Variants in ADHFE1 observed in about 807,000 individuals in gnomAD.
ADHFE1 encodes the protein alcohol dehydrogenase iron containing 1.
Under a neutral mutation model 54.8 loss-of-function variants are expected in ADHFE1, and 37 were observed. That is an observed-to-expected ratio of 0.68 (90% CI 0.52 to 0.89). The LOEUF (loss-of-function observed/expected upper bound fraction) is 0.89, where lower values mean the gene tolerates loss of function less well. Ranked by LOEUF, ADHFE1 falls within the 40% of genes least tolerant of loss-of-function variation. ADHFE1 has a pLI of 0.00. For synonymous variants in ADHFE1, 203 were observed against 229.3 expected, an observed-to-expected ratio of 0.89 and a Z score of 1.04; for missense variants, 601 against 591.2, an observed-to-expected ratio of 1.02 and a Z score of -0.17.
intron 1 of ADHFE1, among the ~76,000 whole-genome samples, chr8:66,434,208 T>C (rs1330379031): frequency 5.3e-5 from 8 of 152,306 alleles, no homozygotes. Context: ...AAGTAAACAG[T>C]GGGCTCATTT....
At chr8:66,468,190 A>G (rs1190161310) in intron 13 of ADHFE1, 79 bp from the exon 14 acceptor site, 2 of 1,078,406 alleles carry the variant, frequency 1.9e-6, no homozygotes, top group East Asian at 4.8e-5. Flanking sequence ...CTTATGACCA[A>G]GTTAATTTCC....
rs1035590289 is a variant in ADHFE1 at position 66,450,232 on chromosome 8, G to C, written c.734+1262G>C. 1.3e-4 allele frequency among the ~76,000 whole-genome samples: 20 copies of C among 152,206 alleles called. 2 individuals are homozygous for C. The highest frequency in any genetic ancestry group is 1.2e-3 in the Admixed American group (19 of 15,278). Reference sequence around the variant, plus strand: ...TTCCCTAATAACCTGGAAATGAGGGGAATAAGGTTATCCTTCCTAACTGTA... The same window carrying C: ...TTCCCTAATAACCTGGAAATGAGGGCAATAAGGTTATCCTTCCTAACTGTA... On this transcript the variant is annotated intron_variant, in intron 8 of 13. Transcript: ENST00000396623.
At chr8:66,442,193 G>A (rs1563487637) in intron 2 of ADHFE1, among the ~76,000 whole-genome samples, 1 of 151,766 alleles carries the variant, frequency 6.6e-6, no homozygotes, top group South Asian at 2.1e-4. Flanking sequence ...TAAACCAGGG[G>A]ATTTTTTTCC....
At chr8:66,458,794 T>C (rs1340035481) in intron 12 of ADHFE1, among the ~76,000 whole-genome samples, 2 of 152,236 alleles carry the variant, frequency 1.3e-5, no homozygotes, top group African/African-American at 4.8e-5. Context: ...TACTGATGTA[T>C]TCTTTTTCCT....
At chr8:66,456,973 C>T in intron 11 of ADHFE1, 78 bp downstream of exon 11, 1 of 1,468,522 alleles carries the variant, frequency 6.8e-7, no homozygotes, top group South Asian at 1.4e-5. Context: ...CCAATTCTCG[C>T]CTGCTTAGAG....
intron 9 of ADHFE1, among the ~76,000 whole-genome samples, chr8:66,452,507 G>A (rs1235175919): frequency 6.6e-6 from 1 of 152,094 alleles, no homozygotes; most frequent in East Asian, 1.9e-4. Flanking sequence ...CATAAATGTG[G>A]GCTGGGCACA....
At chr8:66,438,061 C>G (rs1175564720) in intron 1 of ADHFE1, among the ~76,000 whole-genome samples, 3 of 152,162 alleles carry the variant, frequency 2.0e-5, no homozygotes, top group African/African-American at 7.2e-5. Context: ...AGGGGCCAGT[C>G]AGGCAGGGGC....
intron 13 of ADHFE1, among the ~76,000 whole-genome samples, chr8:66,466,236 ATTTTT>A (rs575459850): frequency 0.097 from 11,620 of 119,690 alleles, 733 homozygotes; most frequent in East Asian, 0.25. Context: ...ACCCAGCTGA[ATTTTT>A]TTTTTTTTTT....
At chr8:66,451,577 A>G (rs984863330) in intron 8 of ADHFE1, among the ~76,000 whole-genome samples, 1 of 152,196 alleles carries the variant, frequency 6.6e-6, no homozygotes, top group African/African-American at 2.4e-5. Context: ...TATTTGATCA[A>G]TGCAAGGTAT....
chr8:66,459,046 G>A (rs1806745647), intron 12 of ADHFE1, among the ~76,000 whole-genome samples: 1 of 151,998 alleles, frequency 6.6e-6, no homozygotes, highest in Non-Finnish European at 1.5e-5. Context: ...ACCTTTTCCT[G>A]GATTCCTAAG....
Position 66,444,404 on chromosome 8 carries a change from C to G in ADHFE1, c.182C>G (p.Thr61Arg), listed in dbSNP as rs1416501328. 1 of 1,614,062 alleles carries G rather than the reference C, an allele frequency of 6.2e-7. No homozygotes were observed. Among genetic ancestry groups the G allele is most frequent in the East Asian group, 2.2e-5 (1 of 44,880 alleles). Residue 61 changes from threonine (T) to arginine (R), a missense_variant, in exon 4 of 14, where the codon ACA (threonine) becomes AGA (arginine). Physicochemically the swap from Thr to Arg is moderately conservative, Grantham distance 71. Coordinates refer to ENST00000396623, the MANE Select transcript of ADHFE1 (RefSeq NM_144650.3). ...VSNIRYGAAV[T>R]KEVGMDLKNM... ...AATATTAGATATGGAGCAGCAGTTA[C>G]AAAGGAAGTAGGAATGGCAAGTATT...
chr8:66,453,963 T>C, intron 9 of ADHFE1, 96 bp from the exon 10 acceptor site: 1 of 1,519,506 alleles, frequency 6.6e-7, no homozygotes, highest in African/African-American at 1.4e-5. Context: ...GTAGCATTTC[T>C]TTTTTTTTCA....
In ADHFE1 at chr8:66,457,111, C is replaced by A. The variant is rs772098560; in HGVS notation, c.1107C>A (p.Phe369Leu). The change falls in exon 12 of 14, where the codon TTC (phenylalanine) becomes TTA (leucine). Residue 369 changes from phenylalanine (F) to leucine (L), a missense_variant. Coordinates refer to ENST00000396623, the MANE Select transcript of ADHFE1 (RefSeq NM_144650.3). ...TGGTGCTCACGTCCCCAGCGGTGTTCACTTTCACGGCCCAGATGTTTCCAG... is the reference window on the plus strand; with the variant it reads ...TGGTGCTCACGTCCCCAGCGGTGTTAACTTTCACGGCCCAGATGTTTCCAG... Reference protein sequence around the residue: ...LSVVLTSPAVFTFTAQMFPER... With the variant: ...LSVVLTSPAVLTFTAQMFPER... 2.5e-6 allele frequency: 4 copies of A among 1,613,978 alleles called. No homozygotes were observed. In the South Asian group the frequency reaches 4.4e-5, roughly 18 times the overall value.
chr8:66,452,689 G>C (rs895869941), intron 9 of ADHFE1, among the ~76,000 whole-genome samples: 1 of 152,160 alleles, frequency 6.6e-6, no homozygotes, highest in East Asian at 1.9e-4. Flanking sequence ...AGAGATTGCT[G>C]TCCCAGGAGA....
At chr8:66,433,890 A>G (rs1054241102) in intron 1 of ADHFE1, among the ~76,000 whole-genome samples, 2 of 152,024 alleles carry the variant, frequency 1.3e-5, no homozygotes, top group Non-Finnish European at 2.9e-5. Context: ...AACCTGTGTC[A>G]TCATAGAACT....
At chr8:66,452,319 G>T (rs1779043567) in intron 9 of ADHFE1, among the ~76,000 whole-genome samples, 1 of 152,196 alleles carries the variant, frequency 6.6e-6, no homozygotes, top group Admixed American at 6.5e-5. Context: ...AAAGGCAAAG[G>T]CAGCCAGGGG....
Position 66,439,124 on chromosome 8 carries a change from G to T in ADHFE1, c.60-1038G>T. On this transcript the variant is annotated intron_variant, in intron 1 of 13. Coordinates refer to ENST00000396623, the MANE Select transcript of ADHFE1 (RefSeq NM_144650.3). The surrounding 1 kb of genome is among the most constrained non-coding windows in gnomAD (Gnocchi z 4.4). ...CCGCGACTCGCGCCAGCTCTCACTC[G>T]CCCCCGCGTCTGCTTTGACTTCGCA... 1.1e-5 allele frequency: 10 copies of T among 930,498 alleles called. No individual in the cohort carries two copies. Among genetic ancestry groups the T allele is most frequent in the Non-Finnish European group, 1.3e-5 (10 of 779,988 alleles). The allele number at this position is 930,498 out of a possible 1,614,324, so 57.6% of individuals were successfully genotyped here. A position where few individuals can be genotyped will look rare whatever the true frequency, so the allele number is the denominator to read the frequency against.
chr8:66,457,793 T>C (rs962594548), intron 12 of ADHFE1, among the ~76,000 whole-genome samples: 1 of 152,220 alleles, frequency 6.6e-6, no homozygotes, highest in Non-Finnish European at 1.5e-5. Flanking sequence ...TACTGTTTCC[T>C]GTTTTTATCT....
intron 10 of ADHFE1, among the ~76,000 whole-genome samples, chr8:66,454,857 A>T (rs373405636): frequency 6.6e-6 from 1 of 151,940 alleles, no homozygotes; most frequent in East Asian, 1.9e-4. Flanking sequence ...GGGATTACAG[A>T]TGTGCACCAC....
Sources: gnomAD v4.1 joint callset for allele counts (sites outside exome capture counted in the v4.1 genomes callset) on GRCh38, gnomAD v4.1.1 for gene constraint, Gnocchi (gnomAD v3.1) non-coding constraint, MANE v1.5 for transcripts, NCBI Gene and HGNC (gene_info 2026-07-23, HGNC 2026-07-21) for gene names.